Variants in ST3GAL3 observed in about 807,000 individuals in gnomAD.
ST3GAL3 encodes the protein CMP-N-acetylneuraminate-beta-1,4-galactoside alpha-2,3-sialyltransferase.
In ST3GAL3, 21 loss-of-function variants were observed where a neutral mutation model predicts 50.1. The observed-to-expected ratio is 0.42, with a 90% CI of 0.30 to 0.60. ST3GAL3 has a LOEUF of 0.60. Ranked by LOEUF, ST3GAL3 falls within the 20% of genes least tolerant of loss-of-function variation. The pLI is 0.19. For missense variants in ST3GAL3, 353 were observed against 489.4 expected (o/e 0.72, Z 2.63); for synonymous variants, 183 against 190.0 (o/e 0.96, Z 0.30).
intron 4 of ST3GAL3, among the ~76,000 whole-genome samples, chr1:43,816,695 G>A (rs1051660313): frequency 6.6e-6 from 1 of 152,200 alleles, no homozygotes; most frequent in African/African-American, 2.4e-5. Context: ...CTGCTGTCCT[G>A]ACAGTTGGGT....
At chr1:43,752,397 C>A (rs1686501138) in intron 2 of ST3GAL3, among the ~76,000 whole-genome samples, 1 of 152,196 alleles carries the variant, frequency 6.6e-6, no homozygotes, top group Admixed American at 6.5e-5. Context: ...AAAGTTTGTG[C>A]TCTCAGTAAC....
intron 9 of ST3GAL3, among the ~76,000 whole-genome samples, chr1:43,906,448 C>T (rs2079717190): frequency 7.1e-6 from 1 of 140,972 alleles, no homozygotes. Flanking sequence ...CCCTCCTCCT[C>T]CTGCTCCTCT....
At chr1:43,824,809 G>T (rs1237830310) in intron 4 of ST3GAL3, 1 of 1,347,838 alleles carries the variant, frequency 7.4e-7, no homozygotes, top group Non-Finnish European at 1.1e-6. Context: ...AAAAATTACT[G>T]ATGCCTGCAT....
chr1:43,787,836 G>A (rs2057537585), intron 2 of ST3GAL3, among the ~76,000 whole-genome samples: 1 of 152,204 alleles, frequency 6.6e-6, no homozygotes, highest in South Asian at 2.1e-4. Flanking sequence ...GAAGGAGGGA[G>A]AAGTAAAGAA....
intron 11 of ST3GAL3, among the ~76,000 whole-genome samples, chr1:43,928,565 A>C (rs1052766822): frequency 1.5e-4 from 22 of 150,898 alleles, no homozygotes; most frequent in Non-Finnish European, 7.4e-5. Context: ...GTGCCACTGC[A>C]CTCCAGCCTG....
At chr1:43,797,301 A>G (rs1303117612) in intron 3 of ST3GAL3, among the ~76,000 whole-genome samples, 3 of 152,194 alleles carry the variant, frequency 2.0e-5, no homozygotes, top group African/African-American at 7.2e-5. Flanking sequence ...CAATAAAACT[A>G]TCCAATTGGA....
chr1:43,901,657 C>G (rs898895082), intron 9 of ST3GAL3, among the ~76,000 whole-genome samples: 2 of 152,230 alleles, frequency 1.3e-5, no homozygotes. Flanking sequence ...CTGGCCTGGC[C>G]TTGGCAGCAG....
At chr1:43,767,489 A>G (rs1448593126) in intron 2 of ST3GAL3, among the ~76,000 whole-genome samples, 1 of 152,154 alleles carries the variant, frequency 6.6e-6, no homozygotes, top group African/African-American at 2.4e-5. Context: ...AAGTCTCAAC[A>G]AGTGTCAGAG....
intron 5 of ST3GAL3, among the ~76,000 whole-genome samples, chr1:43,857,183 C>A (rs2068563576): frequency 6.6e-6 from 1 of 152,154 alleles, no homozygotes. Context: ...CAGGCAAAGC[C>A]TTGGTAGAAT....
At chr1:43,857,573 T>G (rs941167659) in intron 5 of ST3GAL3, among the ~76,000 whole-genome samples, 1 of 68,254 alleles carries the variant, frequency 1.5e-5, no homozygotes, top group Non-Finnish European at 3.0e-5. Flanking sequence ...CCTTCTTTCT[T>G]TCCTTCCTCC....
chr1:43,929,505 T>C (rs550266374), intron 11 of ST3GAL3, among the ~76,000 whole-genome samples: 3 of 152,290 alleles, frequency 2.0e-5, no homozygotes, highest in African/African-American at 4.8e-5. Context: ...GGTTTCACCA[T>C]GTTGGTCAGG....
intron 11 of ST3GAL3, among the ~76,000 whole-genome samples, chr1:43,926,331 G>C (rs1287503253): frequency 1.3e-5 from 2 of 152,220 alleles, no homozygotes; most frequent in Non-Finnish European, 1.5e-5. Context: ...CCTCACGCCT[G>C]TAATCCCAGC....
In ST3GAL3 at chr1:43,744,204, C is replaced by T. The variant is rs111598874; in HGVS notation, c.118+7824C>T. Reference sequence around the variant, plus strand: ...CATATAGAGAAGTCTGTCTTTAAGGCGGGTAATTACTCTTAAAAATGAATC... The same window carrying T: ...CATATAGAGAAGTCTGTCTTTAAGGTGGGTAATTACTCTTAAAAATGAATC... On this transcript the variant is annotated intron_variant, in intron 2 of 11. Transcript: ENST00000347631. 1.2e-3 allele frequency among the ~76,000 whole-genome samples: 175 copies of T among 152,006 alleles called. 5 individuals carry two copies. The Middle Eastern group carries it at 0.014, about 12-fold the overall frequency.
chr1:43,735,354 C>T (rs564500179), intron 1 of ST3GAL3, among the ~76,000 whole-genome samples: 193 of 152,154 alleles, frequency 1.3e-3, no homozygotes, highest in African/African-American at 4.4e-3. Context: ...ATCACATGGG[C>T]CCCAAAAAGC....
chr1:43,787,396 A>G (rs932876541), intron 2 of ST3GAL3, among the ~76,000 whole-genome samples: 2 of 152,282 alleles, frequency 1.3e-5, no homozygotes, highest in Non-Finnish European at 2.9e-5. Flanking sequence ...GTTTATAACT[A>G]AAATAATCTT....
chr1:43,866,743 T>C (rs915082300), intron 5 of ST3GAL3, among the ~76,000 whole-genome samples: 29 of 152,276 alleles, frequency 1.9e-4, no homozygotes, highest in African/African-American at 6.7e-4. Flanking sequence ...TGTTACATCC[T>C]AGATGCTGGA....
intron 2 of ST3GAL3, among the ~76,000 whole-genome samples, chr1:43,759,576 G>A (rs998588929): frequency 6.6e-6 from 1 of 152,210 alleles, no homozygotes; most frequent in Non-Finnish European, 1.5e-5. Flanking sequence ...TCTGAGCAAA[G>A]CAGAGAACTA....
At chr1:43,753,095 C>G (rs539403461) in intron 2 of ST3GAL3, among the ~76,000 whole-genome samples, 1 of 152,280 alleles carries the variant, frequency 6.6e-6, no homozygotes, top group Admixed American at 6.5e-5. Flanking sequence ...GCTAAGCTAA[C>G]TCAAATTTAT....
chr1:43,724,017 A>G (rs916464066), intron 1 of ST3GAL3, among the ~76,000 whole-genome samples: 19 of 152,146 alleles, frequency 1.2e-4, no homozygotes, highest in African/African-American at 4.6e-4. Flanking sequence ...CTGCAGAATG[A>G]GAATGTAAGA....
Sources: allele counts gnomAD v4.1 joint callset (sites outside exome capture counted in the v4.1 genomes callset), GRCh38; gene constraint gnomAD v4.1.1; transcripts MANE v1.5; gene names NCBI Gene and HGNC (gene_info 2026-07-23, HGNC 2026-07-21).